Variants in CDH26 observed in about 807,000 individuals in gnomAD.
CDH26 encodes cadherin-like protein 26.
Under a neutral mutation model 90.3 loss-of-function variants are expected in CDH26, and 83 were observed. The observed-to-expected ratio is 0.92, with a 90% CI of 0.77 to 1.10. The LOEUF is 1.10. CDH26 is among the 50% of genes least tolerant of loss of function. The pLI is 0.00. For missense variants in CDH26, 1,013 were observed against 1,037.6 expected (o/e 0.98, Z 0.33); for synonymous variants, 397 against 396.3 (o/e 1.00, Z -0.02).
At chr20:60,026,661 G>A (rs1345121663) in intron 7 of CDH26, among the ~76,000 whole-genome samples, 1 of 152,186 alleles carries the variant, frequency 6.6e-6, no homozygotes, top group Non-Finnish European at 1.5e-5. Context: ...GAGCGCTTGG[G>A]CATGCATTCT....
chr20:59,983,501 T>G (rs912554869), intron 5 of CDH26, among the ~76,000 whole-genome samples: 1 of 152,216 alleles, frequency 6.6e-6, no homozygotes, highest in African/African-American at 2.4e-5. Flanking sequence ...AAAAATCATT[T>G]TTTTGTGTAA....
intron 7 of CDH26, among the ~76,000 whole-genome samples, chr20:60,028,451 T>C (rs1462647359): frequency 1.3e-5 from 2 of 152,364 alleles, no homozygotes; most frequent in East Asian, 1.9e-4. Flanking sequence ...TCTATGTTTA[T>C]TGATTTAGCG....
chr20:59,992,524 A>G lies in CDH26; in HGVS notation c.1426+4A>G, dbSNP rs1445038394. 1.9e-6 allele frequency: 3 copies of G among 1,613,238 alleles called. No individual in the cohort carries two copies. Among genetic ancestry groups the G allele is most frequent in the Non-Finnish European group, 2.5e-6 (3 of 1,179,672 alleles). ...ATCATTCACGCTGTTGATGATGGTG[A>G]GTGTTTACCCAAAATTGGAAAAATA... On this transcript the variant is annotated splice_donor_region_variant and intron_variant, in intron 10 of 17. Transcript: ENST00000348616. This position sits in a 1 kb window ranked among gnomAD's most constrained non-coding sequence, Gnocchi z 5.0.
chr20:60,020,051 C>T (rs1202203762), intron 7 of CDH26, among the ~76,000 whole-genome samples: 4 of 151,960 alleles, frequency 2.6e-5, no homozygotes, highest in Non-Finnish European at 5.9e-5. Flanking sequence ...GAGGTGGGCT[C>T]ATTGGTTTGT....
intron 1 of CDH26, among the ~76,000 whole-genome samples, chr20:59,966,891 T>C (rs2145969721): frequency 6.6e-6 from 1 of 152,282 alleles, no homozygotes; most frequent in South Asian, 2.1e-4. Context: ...TACCTATTCA[T>C]ATAGTGAAAT....
In CDH26 at chr20:59,958,710, G is replaced by A; in HGVS notation, c.-17G>A. On this transcript the variant is annotated 5_prime_UTR_variant, in exon 1 of 18. Transcript: ENST00000348616. ...GTCATCAGCTGCACGTTCTGGGTCT[G>A]TCTTGGGTATTCCCATATGGCCATG... 6.2e-7 allele frequency: 1 copy of A among 1,614,050 alleles called. No homozygotes were observed. The highest frequency in any genetic ancestry group is 1.1e-5 in the South Asian group (1 of 91,080).
intron 1 of CDH26, among the ~76,000 whole-genome samples, chr20:59,967,217 A>G (rs533341960): frequency 6.6e-6 from 1 of 152,314 alleles, no homozygotes; most frequent in East Asian, 1.9e-4. Context: ...AGGAAGTTTC[A>G]ATTTTATCTG....
intron 8 of CDH26, chr20:60,031,564 C>T: frequency 2.1e-6 from 2 of 950,948 alleles, no homozygotes; most frequent in South Asian, 5.7e-5. Context: ...TCAGTTTCTT[C>T]AGATGAAAGG....
intron 7 of CDH26, among the ~76,000 whole-genome samples, chr20:60,029,427 A>ATGTAG (rs2062023929): frequency 6.6e-6 from 1 of 152,202 alleles, no homozygotes; most frequent in African/African-American, 2.4e-5. Flanking sequence ...ATAGTCAACA[A>ATGTAG]CATAGCACCT....
At position 59,994,286 on chromosome 20, in the gene CDH26, T is replaced by C; in HGVS notation, c.1463T>C (p.Leu488Pro). ...CAGACTGCTACAGGGACCCTAATGC[T>C]CTTCCTGTCTGACATCAATGACAAC... ...PPQTATGTLM[L>P]FLSDINDNVP... Residue 488 changes from leucine (L) to proline (P), a missense_variant, in exon 11 of 18, where the codon CTC (leucine) becomes CCC (proline). Transcript: ENST00000348616. 6.2e-7 allele frequency: 1 copy of C among 1,613,312 alleles called. No homozygotes were observed. Among genetic ancestry groups the C allele is most frequent in the Non-Finnish European group, 8.5e-7 (1 of 1,179,900 alleles).
rs1416521855 is a variant in CDH26, at chr20:59,996,672, C to A, written c.1930C>A (p.Pro644Thr). ...FLLRCYFVLEPKRHGCSVSND... is the reference protein window; with the variant it reads ...FLLRCYFVLETKRHGCSVSND... ...GTTGCGATGCTATTTTGTGCTTGAACCTAAGAGGCATGGATGCTCTGTATC... is the reference window on the plus strand; with the variant it reads ...GTTGCGATGCTATTTTGTGCTTGAAACTAAGAGGCATGGATGCTCTGTATC... Residue 644 changes from proline (P) to threonine (T), a missense_variant, in exon 13 of 18, where the codon CCT (proline) becomes ACT (threonine). By Grantham distance (38) the Pro-to-Thr change is conservative. Transcript: ENST00000348616. 3.7e-6 allele frequency: 6 copies of A among 1,614,064 alleles called. No homozygotes were observed. Among genetic ancestry groups the A allele is most frequent in the South Asian group, 1.1e-5 (1 of 91,088 alleles).
At chr20:59,975,042 A>T (rs938103977) in intron 4 of CDH26, among the ~76,000 whole-genome samples, 3 of 152,102 alleles carry the variant, frequency 2.0e-5, no homozygotes, top group Non-Finnish European at 4.4e-5. Context: ...ATCATGTTAG[A>T]TGAAGGAGTA....
At chr20:59,993,665 G>A (rs1011499269) in intron 10 of CDH26, among the ~76,000 whole-genome samples, 4 of 152,290 alleles carry the variant, frequency 2.6e-5, no homozygotes, top group East Asian at 3.9e-4. Flanking sequence ...CTCATTGGTC[G>A]ATGGGCATTT....
intron 7 of CDH26, among the ~76,000 whole-genome samples, chr20:60,024,057 A>G (rs2061978900): frequency 6.6e-6 from 1 of 152,232 alleles, no homozygotes; most frequent in South Asian, 2.1e-4. Context: ...GTGTCTTCAC[A>G]GAAGAGCTCA....
chr20:60,024,263 G>GC (rs1156302107), intron 7 of CDH26, among the ~76,000 whole-genome samples: 1 of 152,264 alleles, frequency 6.6e-6, no homozygotes. Flanking sequence ...CATACCCTTT[G>GC]CCCCCCACAC....
intron 7 of CDH26, among the ~76,000 whole-genome samples, chr20:60,022,574 G>A (rs577508202): frequency 1.3e-5 from 2 of 152,214 alleles, no homozygotes; most frequent in Non-Finnish European, 2.9e-5. Flanking sequence ...TTTCTGTGAA[G>A]TAGGCATAGC....
intron 7 of CDH26, among the ~76,000 whole-genome samples, chr20:60,027,987 A>C (rs2062011854): frequency 6.6e-6 from 1 of 152,234 alleles, no homozygotes; most frequent in African/African-American, 2.4e-5. Context: ...ACAACTGGAC[A>C]GTATCACAAC....
Position 59,958,730 on chromosome 20 carries a change from G to A in CDH26, c.4G>A (p.Ala2Thr). The A allele has an allele frequency of 1.9e-6, 3 of 1,614,164 alleles. No individual in the cohort carries two copies. Among genetic ancestry groups the A allele is most frequent in the Non-Finnish European group, 2.5e-6 (3 of 1,180,020 alleles). Residue 2 changes from alanine (A) to threonine (T), a missense_variant, in exon 1 of 18, where the codon GCC (alanine) becomes ACC (threonine). Physicochemically the swap from Ala to Thr is moderately conservative, Grantham distance 58 (BLOSUM62 0). Coordinates refer to ENST00000348616, the MANE Select transcript of CDH26 (RefSeq NM_177980.4). M[A>T]MRSGRHPSLL... is the part of the protein sequence containing the mutation. Reference sequence around the variant, plus strand: ...GGTCTGTCTTGGGTATTCCCATATGGCCATGAGATCCGGGAGGCACCCCTC... The same window carrying A: ...GGTCTGTCTTGGGTATTCCCATATGACCATGAGATCCGGGAGGCACCCCTC...
chr20:60,034,583 G>A (rs376482719), downstream of CDH26, among the ~76,000 whole-genome samples: 6 of 152,308 alleles, frequency 3.9e-5, no homozygotes, highest in Non-Finnish European at 5.9e-5. Context: ...GAGGCAGCCC[G>A]GGGAGAGCCG....
Sources: gnomAD v4.1 joint callset for allele counts (sites outside exome capture counted in the v4.1 genomes callset) on GRCh38, gnomAD v4.1.1 for gene constraint, Gnocchi (gnomAD v3.1) non-coding constraint, MANE v1.5 for transcripts, NCBI Gene and HGNC (gene_info 2026-07-23, HGNC 2026-07-21) for gene names.